Variants in UFL1 observed in about 807,000 individuals in gnomAD.
UFL1 encodes UFM1 specific ligase 1, also known as E3 UFM1-protein ligase 1.
A neutral mutation model predicts 99.3 loss-of-function variants in UFL1; 78 were observed. The ratio of observed to expected loss-of-function variants is 0.79; its 90% confidence interval spans 0.65 to 0.95. The LOEUF (loss-of-function observed/expected upper bound fraction) is 0.95, where lower values mean the gene tolerates loss of function less well. Ranked by LOEUF, UFL1 falls within the 40% of genes least tolerant of loss-of-function variation. UFL1 has a pLI of 0.00. For synonymous variants in UFL1, 335 were observed against 322.2 expected (o/e 1.04, Z -0.42); for missense variants, 936 against 937.0 (o/e 1.00, Z 0.01).
chr6:96,536,408 T>C lies in UFL1; in HGVS notation c.802+18T>C, dbSNP rs776084372. On this transcript the variant is annotated intron_variant, in intron 8 of 18. Coordinates refer to ENST00000369278, the MANE Select transcript of UFL1 (RefSeq NM_015323.5). ...CTATCTAGGTAACTTTCTTATTTCTTTAAAACTAAAATTTATTTTTAACAC... is the reference window on the plus strand; with the variant it reads ...CTATCTAGGTAACTTTCTTATTTCTCTAAAACTAAAATTTATTTTTAACAC... 1 of 1,584,396 alleles carries C rather than the reference T, an allele frequency of 6.3e-7. No homozygotes were observed.
At chr6:96,547,086 A>T (rs1221756659) in intron 12 of UFL1, among the ~76,000 whole-genome samples, 1 of 151,708 alleles carries the variant, frequency 6.6e-6, no homozygotes, top group Non-Finnish European at 1.5e-5. Context: ...TATGCGAATT[A>T]TGCTTCTGAC....
chr6:96,542,968 G>A lies in UFL1; in HGVS notation c.1354G>A (p.Gly452Arg). ...CAAAATTAAAAAAGTCAAGAAGAAA[G>A]GAAGAAAAGATGATGATAGTGATGA... ...EYKIKKVKKK[G>R]RKDDDSDDES... The change falls in exon 12 of 19, where the codon GGA becomes AGA. Residue 452 changes from glycine to arginine, a missense_variant. By Grantham distance (125) the Gly-to-Arg change is moderately radical (BLOSUM62 -2). Transcript: ENST00000369278. 1.9e-6 allele frequency: 3 copies of A among 1,599,946 alleles called. No homozygotes were observed.
intron 6 of UFL1, among the ~76,000 whole-genome samples, chr6:96,533,852 T>G (rs952535624): frequency 1.4e-5 from 2 of 147,866 alleles, no homozygotes; most frequent in Non-Finnish European, 3.0e-5. Flanking sequence ...CACCCTAATC[T>G]AGCCTCATGT....
chr6:96,536,460 C>CCTG, intron 8 of UFL1, 70 bp downstream of exon 8: 2 of 1,286,378 alleles, frequency 1.6e-6, no homozygotes, highest in South Asian at 1.6e-5. Flanking sequence ...AAGTATTATA[C>CCTG]TAACCCTAGA....
chr6:96,548,787 T>C (rs1770035933), intron 13 of UFL1, among the ~76,000 whole-genome samples: 1 of 151,696 alleles, frequency 6.6e-6, no homozygotes, highest in African/African-American at 2.4e-5. Flanking sequence ...TATGTATAAC[T>C]TGACCATTAG....
intron 7 of UFL1, 145 bp downstream of exon 7, chr6:96,534,466 T>C (rs1769826412): frequency 3.2e-6 from 2 of 616,812 alleles, no homozygotes; most frequent in East Asian, 6.2e-5. Flanking sequence ...TTGTATCAAG[T>C]TTTATATATG....
chr6:96,548,928 A>G (rs549378029), intron 13 of UFL1, among the ~76,000 whole-genome samples: 2 of 151,830 alleles, frequency 1.3e-5, no homozygotes, highest in South Asian at 4.1e-4. Flanking sequence ...TTTTTAATAT[A>G]AATATTTTTT....
rs1770079649 is a variant in UFL1, at chr6:96,551,502, C to G, written c.1888C>G (p.Leu630Val). 6 of 1,526,714 alleles carry G rather than the reference C, an allele frequency of 3.9e-6. No homozygotes were observed. The East Asian group carries it at 1.4e-4, about 36-fold the overall frequency. 94.6% of individuals were successfully genotyped at this position (1,526,714 alleles called of 1,614,324 possible). The change falls in exon 16 of 19, where the codon CTG becomes GTG. Residue 630 changes from leucine (L) to valine (V), a missense_variant. Leu to Val is a conservative substitution (Grantham distance 32, BLOSUM62 1). Coordinates refer to ENST00000369278, the MANE Select transcript of UFL1 (RefSeq NM_015323.5). ...KVALTKLHNS[L>V]NEKSIEDFIS... Reference sequence around the variant, plus strand: ...AGCTCTTACAAAACTCCATAACTCTCTGAATGAAAAGGTAAGTAAAGTTTT... The same window carrying G: ...AGCTCTTACAAAACTCCATAACTCTGTGAATGAAAAGGTAAGTAAAGTTTT...
At chr6:96,531,089 C>T (rs531047398) in intron 6 of UFL1, among the ~76,000 whole-genome samples, 7 of 152,328 alleles carry the variant, frequency 4.6e-5, no homozygotes, top group South Asian at 2.1e-4. Context: ...GTTGGTTGCA[C>T]GCTCTTTATG....
chr6:96,521,818 C>G lies in UFL1; in HGVS notation c.-56C>G, dbSNP rs13210597. 5.1e-6 allele frequency: 8 copies of G among 1,559,584 alleles called. No individual in the cohort carries two copies. The highest frequency in any genetic ancestry group is 6.9e-6 in the Non-Finnish European group (8 of 1,151,280). On this transcript the variant is annotated 5_prime_UTR_variant, in exon 1 of 19. Coordinates refer to ENST00000369278, the MANE Select transcript of UFL1 (RefSeq NM_015323.5). ...GCCCGTTCCGCCTCTCTTCTCCCAC[C>G]GCCTGTCGGCTGACGTGTCTGCAGT... is the stretch of plus-strand genomic sequence containing the variant.
chr6:96,531,415 C>G (rs1286484482), intron 6 of UFL1, among the ~76,000 whole-genome samples: 1 of 152,190 alleles, frequency 6.6e-6, no homozygotes, highest in Non-Finnish European at 1.5e-5. Context: ...TAAGAAAAAT[C>G]TAACTCCTAT....
intron 2 of UFL1, among the ~76,000 whole-genome samples, chr6:96,523,895 T>A (rs980485103): frequency 3.3e-5 from 5 of 152,204 alleles, no homozygotes; most frequent in Non-Finnish European, 5.9e-5. Flanking sequence ...AGTGTAACAT[T>A]GGTCTTTGTC....
rs1161879465 is a variant in UFL1 at position 96,529,195 on chromosome 6, C to T, written c.596+563C>T. On this transcript the variant is annotated intron_variant, in intron 6 of 18. Coordinates refer to ENST00000369278, the MANE Select transcript of UFL1 (RefSeq NM_015323.5). ...TTTGGGTCTGTGTGACAGACTCCAG[C>T]ATAGAATTCAGAAAACCTATATTCT... Among the ~76,000 whole-genome samples the T allele has an allele frequency of 6.6e-5, 10 of 152,310 alleles. No homozygotes were observed. The East Asian group carries it at 1.9e-3, about 29-fold the overall frequency.
At chr6:96,540,441 C>T (rs1294193133) in intron 10 of UFL1, 94 bp from the exon 11 acceptor site, 25 of 1,433,288 alleles carry the variant, frequency 1.7e-5, no homozygotes, top group Non-Finnish European at 1.9e-5. Flanking sequence ...AGCAACAAAA[C>T]CAAACAAGAA....
chr6:96,522,004 C>G, intron 1 of UFL1, 54 bp downstream of exon 1: 1 of 1,564,876 alleles, frequency 6.4e-7, no homozygotes, highest in Non-Finnish European at 8.7e-7. Context: ...TGGGCGGACA[C>G]GCCTGTATCT....
intron 6 of UFL1, among the ~76,000 whole-genome samples, chr6:96,529,249 A>C (rs896282639): frequency 1.3e-5 from 2 of 152,140 alleles, no homozygotes; most frequent in African/African-American, 4.8e-5. Context: ...TGTGTCATCA[A>C]CTTCATCTCA....
chr6:96,540,511 C>CA (rs746326825), intron 10 of UFL1, 24 bp from the exon 11 acceptor site: 6 of 1,581,336 alleles, frequency 3.8e-6, no homozygotes, highest in Non-Finnish European at 5.1e-6. Flanking sequence ...TTTTTCCTAC[C>CA]AAAAAAAGCA....
chr6:96,526,596 C>G (rs977211120), intron 5 of UFL1, among the ~76,000 whole-genome samples, 161 bp downstream of exon 5: 2 of 152,084 alleles, frequency 1.3e-5, no homozygotes, highest in Non-Finnish European at 2.9e-5. Context: ...TTGGGGGGTA[C>G]TTCTAGTACA....
Position 96,553,424 on chromosome 6 carries a change from G to C in UFL1, c.2306G>C (p.Arg769Pro). The C allele has an allele frequency of 6.2e-7, 1 of 1,613,706 alleles. No individual in the cohort carries two copies. Among genetic ancestry groups the C allele is most frequent in the Middle Eastern group, 1.7e-4 (1 of 6,056 alleles). Residue 769 changes from arginine to proline, a missense_variant, in exon 19 of 19, where the codon CGT (arginine) becomes CCT (proline). Arg to Pro is a moderately radical substitution (Grantham distance 103). Transcript: ENST00000369278. ...KEQEDVASTT[R>P]KELQELSSSI... Reference sequence around the variant, plus strand: ...CAAGAAGATGTTGCCAGTACTACTCGTAAAGAGCTTCAAGAACTTTCTTCA... The same window carrying C: ...CAAGAAGATGTTGCCAGTACTACTCCTAAAGAGCTTCAAGAACTTTCTTCA...
Sources: gnomAD v4.1 joint callset for allele counts (sites outside exome capture counted in the v4.1 genomes callset) on GRCh38, gnomAD v4.1.1 for gene constraint, MANE v1.5 for transcripts, NCBI Gene and HGNC (gene_info 2026-07-23, HGNC 2026-07-21) for gene names.